TBC1D1: variants seen among roughly 807,000 people sequenced by gnomAD.
The protein encoded by TBC1D1 is TBC1 (tre-2/USP6, BUB2, cdc16) domain family, member 1.
In TBC1D1, 89 loss-of-function variants were observed where a neutral mutation model predicts 125.6. The ratio of observed to expected loss-of-function variants is 0.71; its 90% CI spans 0.60 to 0.85. TBC1D1 has a LOEUF of 0.85. Ranked by LOEUF, TBC1D1 falls within the 40% of genes least tolerant of loss-of-function variation. The probability of loss-of-function intolerance (pLI) is 0.00; values close to 1 mark genes in which losing one functional copy is unlikely to be tolerated. For synonymous variants in TBC1D1, 565 were observed against 564.1 expected (o/e 1.00, Z -0.02); for missense variants, 1,377 against 1,469.2 (o/e 0.94, Z 1.03).
At chr4:38,084,230 G>A (rs1030115380) in intron 12 of TBC1D1, among the ~76,000 whole-genome samples, 30 of 152,104 alleles carry the variant, frequency 2.0e-4, no homozygotes, top group African/African-American at 6.5e-4. Flanking sequence ...CACCATGCCC[G>A]GCCATGAATG....
intron 2 of TBC1D1, chr4:37,960,726 G>A: frequency 6.2e-7 from 1 of 1,614,160 alleles, no homozygotes; most frequent in Non-Finnish European, 8.5e-7. Flanking sequence ...CGAGAAGACT[G>A]TTAAAACAAA....
chr4:37,902,221 G>C lies in TBC1D1; in HGVS notation c.126G>C (p.Trp42Cys). The C allele has an allele frequency of 1.9e-6, 3 of 1,614,002 alleles. No homozygotes were observed. The highest frequency in any genetic ancestry group is 2.5e-6 in the Non-Finnish European group (3 of 1,180,012). ...TGACCACCATGCCCATGCTGCCCTGGGTTGTGGCTGAGGTGCGAAGACTCA... is the reference window on the plus strand; with the variant it reads ...TGACCACCATGCCCATGCTGCCCTGCGTTGTGGCTGAGGTGCGAAGACTCA... The change falls in exon 2 of 20, where the codon TGG becomes TGC. Residue 42 changes from tryptophan (W) to cysteine (C), a missense_variant. Physicochemically the swap from Trp to Cys is radical, Grantham distance 215. Coordinates refer to ENST00000261439, the MANE Select transcript of TBC1D1 (RefSeq NM_015173.4).
At chr4:38,009,866 C>T (rs1741104898) in intron 2 of TBC1D1, among the ~76,000 whole-genome samples, 1 of 152,030 alleles carries the variant, frequency 6.6e-6, no homozygotes. Flanking sequence ...AAAACTAAGC[C>T]CCACACCCTT....
chr4:37,892,186 T>C (rs73810017), intron 1 of TBC1D1, among the ~76,000 whole-genome samples: 8,836 of 152,270 alleles, frequency 0.058, 353 homozygotes, highest in African/African-American at 0.1. Flanking sequence ...TGAAAGAGCA[T>C]TTAAAAATGA....
At chr4:37,983,417 T>G (rs536222884) in intron 2 of TBC1D1, among the ~76,000 whole-genome samples, 1 of 152,250 alleles carries the variant, frequency 6.6e-6, no homozygotes, top group Admixed American at 6.5e-5. Flanking sequence ...CCGCCATCCC[T>G]CCCCCAAACT....
At chr4:38,075,734 A>G (rs1755475374) in intron 12 of TBC1D1, among the ~76,000 whole-genome samples, 1 of 152,132 alleles carries the variant, frequency 6.6e-6, no homozygotes, top group African/African-American at 2.4e-5. Flanking sequence ...GGAGGACAGC[A>G]AAGTTTATAA....
chr4:38,020,761 T>C, intron 5 of TBC1D1, 66 bp downstream of exon 5: 1 of 1,409,640 alleles, frequency 7.1e-7, no homozygotes, highest in Admixed American at 1.7e-5. Flanking sequence ...TCCACTGATT[T>C]TTCTGTCCTT....
rs190257286 is a variant in TBC1D1 at position 38,052,366 on chromosome 4, C to T, written c.1911-1833C>T. On this transcript the variant is annotated intron_variant, in intron 11 of 19. Coordinates refer to ENST00000261439, the MANE Select transcript of TBC1D1 (RefSeq NM_015173.4). Reference sequence around the variant, plus strand: ...TTTTTTTTTGAGACAGGGTCTCACTCTGTTCCCCAGGCTGGAGTGCAGTGG... The same window carrying T: ...TTTTTTTTTGAGACAGGGTCTCACTTTGTTCCCCAGGCTGGAGTGCAGTGG... Among the ~76,000 whole-genome samples, 294 of 149,574 alleles carry T rather than the reference C, an allele frequency of 2.0e-3. 2 individuals carry two copies. The highest frequency in any genetic ancestry group is 7.0e-3 in the African/African-American group (286 of 40,668).
intron 2 of TBC1D1, among the ~76,000 whole-genome samples, chr4:37,976,030 T>C (rs1733002754): frequency 6.6e-6 from 1 of 152,214 alleles, no homozygotes; most frequent in African/African-American, 2.4e-5. Context: ...ACTTATGTCT[T>C]TGGTTTTTCA....
At chr4:37,926,431 A>G (rs1722128582) in intron 2 of TBC1D1, among the ~76,000 whole-genome samples, 1 of 152,202 alleles carries the variant, frequency 6.6e-6, no homozygotes, top group Non-Finnish European at 1.5e-5. Flanking sequence ...TCGCTTGGTC[A>G]GCAGAAGGGT....
intron 17 of TBC1D1, chr4:38,119,823 T>G: frequency 3.3e-6 from 1 of 300,818 alleles, no homozygotes; most frequent in Non-Finnish European, 4.9e-6. Context: ...ACTTGGTTAG[T>G]GAAGAAAATT....
Position 38,036,939 on chromosome 4 carries a change from G to A in TBC1D1, c.1413+1241G>A, listed in dbSNP as rs1008881854. Among the ~76,000 whole-genome samples, 11 of 152,236 alleles carry A rather than the reference G, an allele frequency of 7.2e-5. No individual in the cohort carries two copies. The South Asian group carries it at 1.5e-3, about 20-fold the overall frequency. On this transcript the variant is annotated intron_variant, in intron 8 of 19. Transcript: ENST00000261439. ...ATGGACCAGTTGGTCTAAGTTTTCAGTTAATTCTGGAGTTCATTTTTCAGC... is the reference window on the plus strand; with the variant it reads ...ATGGACCAGTTGGTCTAAGTTTTCAATTAATTCTGGAGTTCATTTTTCAGC...
rs1578801621 is a variant in TBC1D1 at position 38,118,137 on chromosome 4, G to A, written c.2907G>A (p.Trp969Ter). ...GCCCCAGCCTCTACGCTGCCCCCTGGTTCCTCACCATGTTTGCCTCACAGT... is the reference window on the plus strand; with the variant it reads ...GCCCCAGCCTCTACGCTGCCCCCTGATTCCTCACCATGTTTGCCTCACAGT... Residue 969 changes from tryptophan to a stop codon, truncating the protein, a stop_gained, in exon 17 of 20, where the codon TGG becomes TGA. Transcript: ENST00000261439. LOFTEE classifies it high-confidence loss of function. The A allele has an allele frequency of 6.2e-7, 1 of 1,614,164 alleles. No homozygotes were observed. The highest frequency in any genetic ancestry group is 8.5e-7 in the Non-Finnish European group (1 of 1,180,024).
intron 12 of TBC1D1, among the ~76,000 whole-genome samples, chr4:38,086,271 C>T (rs1168252125): frequency 1.3e-5 from 2 of 152,166 alleles, no homozygotes; most frequent in Non-Finnish European, 2.9e-5. Flanking sequence ...AGCTCTGAAT[C>T]AGAGGTTCTT....
chr4:37,905,906 ACT>A (rs900208334), intron 2 of TBC1D1, among the ~76,000 whole-genome samples: 2 of 151,238 alleles, frequency 1.3e-5, no homozygotes, highest in Non-Finnish European at 2.9e-5. Flanking sequence ...TCCATTAGAA[ACT>A]CTGCTCTTGT....
At chr4:37,914,273 T>C (rs1719239059) in intron 2 of TBC1D1, among the ~76,000 whole-genome samples, 1 of 152,212 alleles carries the variant, frequency 6.6e-6, no homozygotes, top group African/African-American at 2.4e-5. Context: ...TCTAGTTGGC[T>C]GTTAACTACA....
chr4:37,971,002 C>T (rs534566191), intron 2 of TBC1D1, among the ~76,000 whole-genome samples: 10 of 152,110 alleles, frequency 6.6e-5, no homozygotes, highest in South Asian at 4.1e-4. Flanking sequence ...GAGGTTTTGC[C>T]GCCCTTGCTT....
intron 12 of TBC1D1, among the ~76,000 whole-genome samples, chr4:38,065,089 C>T (rs952699228): frequency 1.3e-5 from 2 of 152,172 alleles, no homozygotes; most frequent in Non-Finnish European, 2.9e-5. Context: ...TGCCACCACA[C>T]CTGGCTAATT....
intron 17 of TBC1D1, chr4:38,120,137 G>C (rs1231119596): frequency 2.0e-5 from 20 of 982,940 alleles, no homozygotes; most frequent in Non-Finnish European, 2.1e-5. Context: ...GACTTTGTAG[G>C]CAGTGGTGAG....
Sources: gnomAD v4.1 joint callset for allele counts (sites outside exome capture counted in the v4.1 genomes callset) on GRCh38, gnomAD v4.1.1 for gene constraint, MANE v1.5 for transcripts, NCBI Gene and HGNC (gene_info 2026-07-23, HGNC 2026-07-21) for gene names.